Variants in ASPA observed in about 807,000 individuals in gnomAD.
ASPA encodes ACY-2.
Under a neutral mutation model 29.6 loss-of-function variants are expected in ASPA, and 25 were observed. The observed-to-expected ratio is 0.85, with a 90% CI of 0.62 to 1.18. The LOEUF (loss-of-function observed/expected upper bound fraction) is 1.18. Among genes scored for constraint, ASPA ranks in the 50% most tolerant of loss-of-function variants. The pLI is 0.00. For missense variants in ASPA, 333 were observed against 385.7 expected (o/e 0.86, Z 1.14); for synonymous variants, 131 against 130.3 (o/e 1.01, Z -0.04).
At chr17:3,477,746 G>A (rs1316611894) in intron 1 of ASPA, among the ~76,000 whole-genome samples, 4 of 152,028 alleles carry the variant, frequency 2.6e-5, no homozygotes, top group African/African-American at 2.4e-5. Context: ...GAGCCACCGC[G>A]CTGGGCCGCT....
At chr17:3,477,396 T>C (rs964792012) in intron 1 of ASPA, among the ~76,000 whole-genome samples, 4 of 152,234 alleles carry the variant, frequency 2.6e-5, no homozygotes, top group Admixed American at 1.3e-4. Context: ...GTTTACATCA[T>C]AATAGCTACC....
In ASPA at chr17:3,490,014, T is replaced by C. The variant is rs920963956; in HGVS notation, c.634+672T>C. ...AAGAATCTTCAAAACACAATGGTAA[T>C]TAGCAGAAAGCAAGTTGCAGACCAA... On this transcript the variant is annotated intron_variant, in intron 4 of 5. Coordinates refer to ENST00000263080, the MANE Select transcript of ASPA (RefSeq NM_000049.4). The surrounding 1 kb of genome is among the most constrained non-coding windows in gnomAD (Gnocchi z 4.6). 1.3e-5 allele frequency among the ~76,000 whole-genome samples: 2 copies of C among 152,208 alleles called. No homozygotes were observed. Among genetic ancestry groups the C allele is most frequent in the African/African-American group, 4.8e-5 (2 of 41,460 alleles).
chr17:3,494,126 A>G (rs933096045), intron 4 of ASPA, among the ~76,000 whole-genome samples: 2 of 151,628 alleles, frequency 1.3e-5, no homozygotes, highest in Admixed American at 6.6e-5. Flanking sequence ...CCCAGGTTCA[A>G]GAGATTCTCC....
At chr17:3,492,304 G>A (rs1435651712) in intron 4 of ASPA, among the ~76,000 whole-genome samples, 1 of 152,174 alleles carries the variant, frequency 6.6e-6, no homozygotes, top group Non-Finnish European at 1.5e-5. Context: ...AAACATAGAT[G>A]GAAGTTAGGC....
rs1210700480 is a variant in ASPA at position 3,488,145 on chromosome 17, G to A, written c.527-1090G>A. Among the ~76,000 whole-genome samples, 1 of 152,196 alleles carries A rather than the reference G, an allele frequency of 6.6e-6. No individual in the cohort carries two copies. Among genetic ancestry groups the A allele is most frequent in the Non-Finnish European group, 1.5e-5 (1 of 68,032 alleles). ...GATGGAAGAGAATGAGGGTAGTGCA[G>A]TTGGGGTAAATGGTTTGCCAAATAG... On this transcript the variant is annotated intron_variant, in intron 3 of 5. Coordinates refer to ENST00000263080, the MANE Select transcript of ASPA (RefSeq NM_000049.4). The surrounding 1 kb of genome is among the most constrained non-coding windows in gnomAD (Gnocchi z 6.1).
intron 2 of ASPA, among the ~76,000 whole-genome samples, chr17:3,482,103 G>A (rs1316544196): frequency 6.6e-6 from 1 of 151,884 alleles, no homozygotes; most frequent in African/African-American, 2.4e-5. Context: ...CAGATGGTGG[G>A]GTATTTGTTA....
chr17:3,498,527 T>C (rs952250980), intron 5 of ASPA, among the ~76,000 whole-genome samples: 1 of 152,056 alleles, frequency 6.6e-6, no homozygotes, highest in African/African-American at 2.4e-5. Flanking sequence ...TTTCGTATTT[T>C]TTCTAGAGAT....
chr17:3,488,152 T>C lies in ASPA; in HGVS notation c.527-1083T>C, dbSNP rs1228890000. On this transcript the variant is annotated intron_variant, in intron 3 of 5. Coordinates refer to ENST00000263080, the MANE Select transcript of ASPA (RefSeq NM_000049.4). This position sits in a 1 kb window ranked among gnomAD's most constrained non-coding sequence, Gnocchi z 6.1. ...GAGAATGAGGGTAGTGCAGTTGGGG[T>C]AAATGGTTTGCCAAATAGAGAAGGT... Among the ~76,000 whole-genome samples, 2 of 152,034 alleles carry C rather than the reference T, an allele frequency of 1.3e-5. No homozygotes were observed. The highest frequency in any genetic ancestry group is 2.9e-5 in the Non-Finnish European group (2 of 68,006).
rs753389782 is a variant in ASPA, at chr17:3,489,215, A to G, written c.527-20A>G. ...TTTTCATACTTATATAAATGTGACTATCTCTCCTTCTGTACCTAGGTATAG... is the reference window on the plus strand; with the variant it reads ...TTTTCATACTTATATAAATGTGACTGTCTCTCCTTCTGTACCTAGGTATAG... On this transcript the variant is annotated intron_variant, in intron 3 of 5. Coordinates refer to ENST00000263080, the MANE Select transcript of ASPA (RefSeq NM_000049.4). 1.3e-5 allele frequency: 18 copies of G among 1,395,314 alleles called. No individual in the cohort carries two copies. In the South Asian group the frequency reaches 1.9e-4, roughly 15 times the overall value. The allele number at this position is 1,395,314 out of a possible 1,614,324, so 86.4% of individuals were successfully genotyped here.
Position 3,502,717 on chromosome 17 carries a change from C to T in ASPA, c.*3629C>T, listed in dbSNP as rs1188206492. On this transcript the variant is annotated 3_prime_UTR_variant, in exon 6 of 6. Transcript: ENST00000263080. ...GCACTGACCTCATGGAGCAGAGAACCTCCTTCAGACACCTCACGCACCCCC... is the reference window on the plus strand; with the variant it reads ...GCACTGACCTCATGGAGCAGAGAACTTCCTTCAGACACCTCACGCACCCCC... 1 of 152,226 alleles carries T rather than the reference C, an allele frequency of 6.6e-6. No individual in the cohort carries two copies. The highest frequency in any genetic ancestry group is 1.5e-5 in the Non-Finnish European group (1 of 68,048). 9.4% of individuals were successfully genotyped at this position (152,226 alleles called of 1,614,324 possible).
At chr17:3,484,998 G>C (rs1157787830) in intron 3 of ASPA, among the ~76,000 whole-genome samples, 2 of 151,892 alleles carry the variant, frequency 1.3e-5, no homozygotes, top group Non-Finnish European at 2.9e-5. Context: ...ACTTATAAAT[G>C]ATCATCATTC....
In ASPA at chr17:3,488,238, GT is replaced by G. The variant is rs2073761618; in HGVS notation, c.527-994del. Among the ~76,000 whole-genome samples, 1 of 152,182 alleles carries G rather than the reference GT, an allele frequency of 6.6e-6. No homozygotes were observed. The highest frequency in any genetic ancestry group is 1.5e-5 in the Non-Finnish European group (1 of 68,034). Reference sequence around the variant, plus strand: ...CAGGAAGGAAGGGTCTACAAAAGTAGTTTAAAGAAAGAGTATTTTGTAGATG... The same window carrying G: ...CAGGAAGGAAGGGTCTACAAAAGTAGTTAAAGAAAGAGTATTTTGTAGATG... On this transcript the variant is annotated intron_variant, in intron 3 of 5. Transcript: ENST00000263080. The surrounding 1 kb of genome is among the most constrained non-coding windows in gnomAD (Gnocchi z 6.1).
intron 1 of ASPA, among the ~76,000 whole-genome samples, chr17:3,480,311 TTTA>T (rs1416983355): frequency 1.3e-5 from 2 of 152,236 alleles, no homozygotes; most frequent in Non-Finnish European, 2.9e-5. Context: ...AGGCCAGAGT[TTTA>T]TTATTACTCA....
chr17:3,496,051 G>T (rs2073903006), intron 5 of ASPA, among the ~76,000 whole-genome samples: 1 of 152,226 alleles, frequency 6.6e-6, no homozygotes, highest in African/African-American at 2.4e-5. Flanking sequence ...GGCAGACGGA[G>T]AAGTGAGATG....
upstream of ASPA, chr17:3,475,624 A>G (rs1399716429): frequency 1.2e-5 from 2 of 161,144 alleles, no homozygotes; most frequent in Non-Finnish European, 2.7e-5. Context: ...TTGGCTGTTT[A>G]TAGAGGTGAG....
chr17:3,486,452 A>T (rs555076471), intron 3 of ASPA, among the ~76,000 whole-genome samples: 75 of 152,166 alleles, frequency 4.9e-4, no homozygotes, highest in Non-Finnish European at 9.1e-4. Context: ...TTTGCAATAG[A>T]CATTTCACGA....
rs750655848 is a variant in ASPA at position 3,490,168 on chromosome 17, C to T, written c.634+826C>T. On this transcript the variant is annotated intron_variant, in intron 4 of 5. Coordinates refer to ENST00000263080, the MANE Select transcript of ASPA (RefSeq NM_000049.4). The surrounding 1 kb of genome is among the most constrained non-coding windows in gnomAD (Gnocchi z 4.6). ...ACACCAAACTGATAACAATAGTTAC[C>T]GGGGACGGGAGGCAAAACCCAGGCT... is the stretch of plus-strand genomic sequence containing the variant. Among the ~76,000 whole-genome samples, 18 of 152,044 alleles carry T rather than the reference C, an allele frequency of 1.2e-4. No individual in the cohort carries two copies. Among genetic ancestry groups the T allele is most frequent in the Admixed American group, 8.5e-4 (13 of 15,260 alleles).
chr17:3,503,068 C>T lies in ASPA; in HGVS notation c.*3980C>T, dbSNP rs961179620. 60 of 152,318 alleles carry T rather than the reference C, an allele frequency of 3.9e-4. 1 individual carries two copies. Among genetic ancestry groups the T allele is most frequent in the African/African-American group, 1.4e-3 (59 of 41,564 alleles). The allele number at this position is 152,318 out of a possible 1,614,324, so 9.4% of individuals were successfully genotyped here. ...GGACGCCGCCCCCTCCCTCTCCAGCCCCACCAGGGCCCTCCCCGCCATCCT... is the reference window on the plus strand; with the variant it reads ...GGACGCCGCCCCCTCCCTCTCCAGCTCCACCAGGGCCCTCCCCGCCATCCT... On this transcript the variant is annotated 3_prime_UTR_variant, in exon 6 of 6. Transcript: ENST00000263080.
intron 1 of ASPA, among the ~76,000 whole-genome samples, chr17:3,476,673 G>A (rs1329992167): frequency 6.6e-6 from 1 of 152,096 alleles, no homozygotes; most frequent in African/African-American, 2.4e-5. Context: ...ATAGAAAAGG[G>A]TTTTGTTTTA....
Sources: allele counts gnomAD v4.1 joint callset (sites outside exome capture counted in the v4.1 genomes callset), GRCh38; gene constraint gnomAD v4.1.1; non-coding constraint Gnocchi (gnomAD v3.1); transcripts MANE v1.5; gene names NCBI Gene and HGNC (gene_info 2026-07-23, HGNC 2026-07-21).